SHANK2: variants seen among roughly 807,000 people sequenced by gnomAD.
The protein encoded by SHANK2 is SH3 and multiple ankyrin repeat domains 2, also known as SH3 and multiple ankyrin repeat domains protein 2.
Under a neutral mutation model 133.7 loss-of-function variants are expected in SHANK2, and 43 were observed. That is an observed-to-expected ratio of 0.32 (90% CI 0.25 to 0.41). The LOEUF (loss-of-function observed/expected upper bound fraction) is 0.41, where lower values mean the gene tolerates loss of function less well. Ranked by LOEUF, SHANK2 falls within the 10% of genes least tolerant of loss-of-function variation. SHANK2 has a pLI of 1.00. For synonymous variants in SHANK2, 1,017 were observed against 952.8 expected, an observed-to-expected ratio of 1.07 and a Z score of -1.24; for missense variants, 1,994 against 2,235.8, an observed-to-expected ratio of 0.89 and a Z score of 2.18.
chr11:70,555,560 G>C (rs1035401455), intron 17 of SHANK2, among the ~76,000 whole-genome samples: 2 of 152,236 alleles, frequency 1.3e-5, no homozygotes, highest in African/African-American at 4.8e-5. Context: ...CCATCTATAT[G>C]AAAAATAACA....
chr11:71,113,298 T>G lies in SHANK2; in HGVS notation c.478A>C (p.Thr160Pro). ...LDEKQLAKLHTKTNLKKCMDH... is the reference protein window; with the variant it reads ...LDEKQLAKLHPKTNLKKCMDH... ...ACAGCCCGTTCCCTGCATACCTTCG[T>G]GTGGAGCTTGGCCAACTGTTTCTCA... The change falls in exon 5 of 26, where the codon ACG (threonine) becomes CCG (proline). Residue 160 changes from threonine to proline, a missense_variant. Thr to Pro is a conservative substitution (Grantham distance 38). Around this residue, in one of 5 missense-constraint regions of SHANK2, gnomAD observed 653 missense variants for 563.4 expected, o/e 1.16. Coordinates refer to ENST00000601538, the MANE Select transcript of SHANK2 (RefSeq NM_012309.5). 1 of 1,551,712 alleles carries G rather than the reference T, an allele frequency of 6.4e-7. No individual in the cohort carries two copies. The highest frequency in any genetic ancestry group is 1.4e-5 in the African/African-American group (1 of 73,176).
Position 70,684,260 on chromosome 11 carries a change from T to C in SHANK2, c.1853+14428A>G, listed in dbSNP as rs190915868. On this transcript the variant is annotated intron_variant, in intron 15 of 25. Coordinates refer to ENST00000601538, the MANE Select transcript of SHANK2 (RefSeq NM_012309.5). ...AAATGGCTCCCAGAGCCTGAAACCA[T>C]GAAGGTTCAAAGGCACACTCCTGGC... 8.5e-4 allele frequency among the ~76,000 whole-genome samples: 130 copies of C among 152,098 alleles called. 1 individual carries two copies. The highest frequency in any genetic ancestry group is 3.0e-3 in the African/African-American group (126 of 41,474).
intron 14 of SHANK2, among the ~76,000 whole-genome samples, chr11:70,758,639 C>A (rs1199304103): frequency 6.6e-6 from 1 of 152,186 alleles, no homozygotes; most frequent in African/African-American, 2.4e-5. Context: ...AGTGGCCCGC[C>A]ATCATCTTGG....
chr11:71,216,862 G>A (rs1307109010), intron 2 of SHANK2, among the ~76,000 whole-genome samples: 1 of 152,166 alleles, frequency 6.6e-6, no homozygotes, highest in Non-Finnish European at 1.5e-5. Flanking sequence ...ACTGGTTTAT[G>A]CATTTACTAT....
intron 14 of SHANK2, among the ~76,000 whole-genome samples, chr11:70,722,681 A>G (rs900135751): frequency 1.3e-5 from 2 of 152,208 alleles, no homozygotes; most frequent in African/African-American, 4.8e-5. Context: ...AGAACCACAG[A>G]GCAAAAATGA....
chr11:70,490,339 C>G lies in SHANK2; in HGVS notation c.2488G>C (p.Gly830Arg), dbSNP rs1555155473. 4 of 1,614,098 alleles carry G rather than the reference C, an allele frequency of 2.5e-6. No individual in the cohort carries two copies. In the African/African-American group the frequency reaches 4.0e-5, roughly 16 times the overall value. The change falls in exon 23 of 26, where the codon GGG becomes CGG. Residue 830 changes from glycine to arginine, a missense_variant. Gly to Arg is a moderately radical substitution (Grantham distance 125, BLOSUM62 -2). Transcript: ENST00000601538. ...CCCAGAAACGGGGCTTTTGGGCTCC[C>G]AGGAACAGTGGGCGTCATCACGGCG... Reference protein sequence around the residue: ...GIAVMTPTVPGSPKAPFLGIP... With the variant: ...GIAVMTPTVPRSPKAPFLGIP...
At chr11:70,552,721 G>A (rs2059785555) in intron 17 of SHANK2, among the ~76,000 whole-genome samples, 1 of 152,178 alleles carries the variant, frequency 6.6e-6, no homozygotes, top group African/African-American at 2.4e-5. Context: ...CACAGCCTGG[G>A]GTGCAAGGGA....
chr11:71,093,521 G>C (rs1445113104), intron 7 of SHANK2, among the ~76,000 whole-genome samples: 1 of 151,848 alleles, frequency 6.6e-6, no homozygotes, highest in Non-Finnish European at 1.5e-5. Flanking sequence ...TGCTGCTTTC[G>C]TGATAGTGAG....
chr11:70,635,767 A>AAG (rs1555003781), intron 17 of SHANK2, among the ~76,000 whole-genome samples: 18 of 150,786 alleles, frequency 1.2e-4, no homozygotes, highest in South Asian at 2.1e-4. Context: ...AAAAAAAAAA[A>AAG]GGGGGGAGGA....
At position 71,188,839 on chromosome 11, in the gene SHANK2, C is replaced by T. The variant is rs1438854142; in HGVS notation, c.-13+35858G>A. On this transcript the variant is annotated intron_variant, in intron 2 of 25. Transcript: ENST00000601538. The surrounding 1 kb of genome is among the most constrained non-coding windows in gnomAD (Gnocchi z 4.6). ...TACGTGGTTTCTCAGGGACCCTGAC[C>T]TTCTCTCTAGCAGGGGTCACCCCTC... Among the ~76,000 whole-genome samples the T allele has an allele frequency of 1.3e-5, 2 of 152,218 alleles. No individual in the cohort carries two copies. The highest frequency in any genetic ancestry group is 2.4e-5 in the African/African-American group (1 of 41,458).
At chr11:70,592,470 C>T (rs7931816) in intron 17 of SHANK2, among the ~76,000 whole-genome samples, 3,034 of 149,332 alleles carry the variant, frequency 0.02, 35 homozygotes, top group Non-Finnish European at 0.027. Flanking sequence ...ACTCAAGCAG[C>T]ACACACCCAG....
chr11:70,541,093 C>T (rs1465244841), intron 17 of SHANK2, among the ~76,000 whole-genome samples: 7 of 152,132 alleles, frequency 4.6e-5, no homozygotes, highest in East Asian at 1.9e-4. Flanking sequence ...GCTTGTCTCC[C>T]GTGACTGGCT....
At chr11:70,844,429 G>T (rs1263616991) in intron 11 of SHANK2, among the ~76,000 whole-genome samples, 3 of 152,114 alleles carry the variant, frequency 2.0e-5, no homozygotes, top group African/African-American at 7.2e-5. Context: ...TCGACAAGGG[G>T]ATCATCTAAA....
At chr11:70,741,788 C>T (rs1555034827) in intron 14 of SHANK2, among the ~76,000 whole-genome samples, 2 of 152,214 alleles carry the variant, frequency 1.3e-5, no homozygotes, top group African/African-American at 4.8e-5. Flanking sequence ...AGTCATCACA[C>T]GTCCATAAGG....
chr11:70,540,079 C>A (rs1055483817), intron 17 of SHANK2, among the ~76,000 whole-genome samples: 2 of 152,190 alleles, frequency 1.3e-5, no homozygotes, highest in Non-Finnish European at 2.9e-5. Context: ...GCTGCCCTAC[C>A]CTTGTGACCC....
chr11:70,573,758 C>G (rs2060080718), intron 17 of SHANK2, among the ~76,000 whole-genome samples: 1 of 152,208 alleles, frequency 6.6e-6, no homozygotes, highest in South Asian at 2.1e-4. Context: ...CCCAAGCCCC[C>G]AACCCCACAC....
chr11:70,948,167 G>T, intron 10 of SHANK2: 1 of 409,232 alleles, frequency 2.4e-6, no homozygotes, highest in Non-Finnish European at 5.0e-6. Flanking sequence ...GCCGCCCTCG[G>T]CTCCCAGCGT....
In SHANK2 at chr11:71,148,621, G is replaced by T. The variant is rs114077434; in HGVS notation, c.-12-1283C>A. Among the ~76,000 whole-genome samples the T allele has an allele frequency of 8.3e-3, 1,269 of 152,344 alleles. 21 individuals are homozygous for T. Among genetic ancestry groups the T allele is most frequent in the African/African-American group, 0.029 (1,224 of 41,576 alleles). ...GGCCACGTGCATATGGAAAGGCATA[G>T]AAGATTGTTCCCTGCCAAAGCAGCA... On this transcript the variant is annotated intron_variant, in intron 2 of 25. Transcript: ENST00000601538.
rs1185300376 is a variant in SHANK2 at position 70,484,232 on chromosome 11, C to G, written c.4979+1082G>C. Among the ~76,000 whole-genome samples, 3 of 152,298 alleles carry G rather than the reference C, an allele frequency of 2.0e-5. No individual in the cohort carries two copies. In the East Asian group the frequency reaches 5.8e-4, roughly 29 times the overall value. ...TACGGTTTGGATCTGTGTTCCCACCCAAATCTCATATGTGAAATTGTAGTC... is the reference window on the plus strand; with the variant it reads ...TACGGTTTGGATCTGTGTTCCCACCGAAATCTCATATGTGAAATTGTAGTC... On this transcript the variant is annotated intron_variant, in intron 25 of 25. Transcript: ENST00000601538.
Sources: allele counts gnomAD v4.1 joint callset (sites outside exome capture counted in the v4.1 genomes callset), GRCh38; gene constraint gnomAD v4.1.1; regional missense constraint gnomAD v4.1.1; non-coding constraint Gnocchi (gnomAD v3.1); transcripts MANE v1.5; gene names NCBI Gene and HGNC (gene_info 2026-07-23, HGNC 2026-07-21).